PARD3B: variants seen among roughly 807,000 people sequenced by gnomAD.
PARD3B encodes the protein partitioning defective 3 homolog B.
PARD3B carries 103 observed loss-of-function variants against 130.2 expected under a neutral mutation model. That is an observed-to-expected ratio of 0.79 (90% CI 0.67 to 0.93). The LOEUF (loss-of-function observed/expected upper bound fraction) is 0.93, where lower values mean the gene tolerates loss of function less well. PARD3B is among the 40% of genes least tolerant of loss of function. The pLI, the probability that PARD3B is intolerant of heterozygous loss-of-function variation, is 0.00. For synonymous variants in PARD3B, 583 were observed against 553.2 expected, an observed-to-expected ratio of 1.05 and a Z score of -0.76; for missense variants, 1,609 against 1,499.2, an observed-to-expected ratio of 1.07 and a Z score of -1.21.
intron 10 of PARD3B, among the ~76,000 whole-genome samples, chr2:205,139,995 T>C (rs577742355): frequency 6.6e-6 from 1 of 152,234 alleles, no homozygotes; most frequent in Non-Finnish European, 1.5e-5. Flanking sequence ...TCTTACTTCC[T>C]TCACAAACCT....
At chr2:205,043,697 C>A (rs1698544943) in intron 3 of PARD3B, among the ~76,000 whole-genome samples, 2 of 152,118 alleles carry the variant, frequency 1.3e-5, no homozygotes, top group Non-Finnish European at 2.9e-5. Flanking sequence ...AATATGACTT[C>A]TACTCTACCA....
chr2:205,610,684 A>G (rs1158888128), intron 22 of PARD3B, among the ~76,000 whole-genome samples: 1 of 152,182 alleles, frequency 6.6e-6, no homozygotes, highest in Non-Finnish European at 1.5e-5. Context: ...TTGGCAAACA[A>G]GACAAATAAA....
chr2:205,079,793 T>C (rs1180469183), intron 4 of PARD3B, among the ~76,000 whole-genome samples: 2 of 152,206 alleles, frequency 1.3e-5, no homozygotes, highest in Non-Finnish European at 2.9e-5. Flanking sequence ...AATAAGATTA[T>C]GCTAACGTAA....
chr2:205,487,967 T>C (rs1234702714), intron 20 of PARD3B, among the ~76,000 whole-genome samples: 1 of 152,234 alleles, frequency 6.6e-6, no homozygotes, highest in Non-Finnish European at 1.5e-5. Context: ...AAACTGTCTT[T>C]TGTTCAGTTC....
intron 1 of PARD3B, among the ~76,000 whole-genome samples, chr2:204,646,451 C>G (rs556308066): frequency 6.6e-6 from 1 of 151,944 alleles, no homozygotes; most frequent in African/African-American, 2.4e-5. Flanking sequence ...CATGTCATTG[C>G]GTGAAGCTGT....
chr2:204,630,352 A>G (rs1468357943), intron 1 of PARD3B, among the ~76,000 whole-genome samples: 1 of 152,062 alleles, frequency 6.6e-6, no homozygotes, highest in African/African-American at 2.4e-5. Context: ...TGCTTAGGGA[A>G]CTTTGAAAAA....
intron 11 of PARD3B, 73 bp from the exon 12 acceptor site, chr2:205,172,138 T>G: frequency 6.9e-7 from 1 of 1,440,300 alleles, no homozygotes; most frequent in Non-Finnish European, 9.4e-7. Context: ...AAACTTGAAC[T>G]TTTCCCCAAA....
intron 3 of PARD3B, among the ~76,000 whole-genome samples, chr2:205,018,489 TTGA>T (rs1398664725): frequency 6.6e-6 from 1 of 152,092 alleles, no homozygotes; most frequent in East Asian, 1.9e-4. Context: ...AGCATTGGAC[TTGA>T]TGAAGTGTTT....
chr2:205,038,456 A>T (rs1698166679), intron 3 of PARD3B, among the ~76,000 whole-genome samples: 1 of 152,168 alleles, frequency 6.6e-6, no homozygotes, highest in South Asian at 2.1e-4. Flanking sequence ...CTTAAGTAGC[A>T]TGAGCAAATT....
At chr2:205,000,092 C>A (rs1312039464) in intron 3 of PARD3B, among the ~76,000 whole-genome samples, 2 of 151,758 alleles carry the variant, frequency 1.3e-5, no homozygotes, top group Non-Finnish European at 1.5e-5. Flanking sequence ...ACTGAACAGG[C>A]AGCTTTGTGG....
intron 18 of PARD3B, among the ~76,000 whole-genome samples, chr2:205,354,481 A>ATTAT (rs1263387592): frequency 1.1e-4 from 17 of 151,758 alleles, no homozygotes; most frequent in Non-Finnish European, 2.2e-4. Flanking sequence ...AAAAAAGTAA[A>ATTAT]AAATTAAAAA....
At position 205,158,889 on chromosome 2, in the gene PARD3B, T is replaced by C. The variant is rs1225794776; in HGVS notation, c.1602T>C (p.His534=). 2.5e-6 allele frequency: 4 copies of C among 1,613,898 alleles called. No individual in the cohort carries two copies. The Admixed American group carries it at 5.0e-5, about 20-fold the overall frequency. The change falls in exon 11 of 23, where the codon CAT becomes CAC. Residue 534 remains histidine, a synonymous_variant. Coordinates refer to ENST00000406610, the MANE Select transcript of PARD3B (RefSeq NM_001302769.2). The surrounding 1 kb of genome is among the most constrained non-coding windows in gnomAD (Gnocchi z 5.4). ...GGATTTTTATCAAATCCATCATTCA[T>C]GGAGGCGCTGCTTTTAAGGTGGGTA... is the stretch of plus-strand genomic sequence containing the variant. ...DLGIFIKSII[H]GGAAFKDGRL...
rs10708473 is a variant in PARD3B at position 205,257,329 on chromosome 2, G to GT, written c.2185+11517dup. Among the ~76,000 whole-genome samples, 51 of 147,592 alleles carry GT rather than the reference G, an allele frequency of 3.5e-4. No homozygotes were observed. The Middle Eastern group carries it at 0.014, about 40-fold the overall frequency. ...TGAAAACACTTTTATTAGCCAATCA[G>GT]TTTTTTTTTTAAACCAAGCAAACCA... is the stretch of plus-strand genomic sequence containing the variant. On this transcript the variant is annotated intron_variant, in intron 16 of 22. Coordinates refer to ENST00000406610, the MANE Select transcript of PARD3B (RefSeq NM_001302769.2).
intron 22 of PARD3B, among the ~76,000 whole-genome samples, chr2:205,561,631 A>G (rs2053141208): frequency 6.6e-6 from 1 of 152,208 alleles, no homozygotes; most frequent in Non-Finnish European, 1.5e-5. Context: ...CACTTCATTT[A>G]TTAATAGACA....
At position 204,686,401 on chromosome 2, in the gene PARD3B, G is replaced by A. The variant is rs532247593; in HGVS notation, c.222+119G>A. The A allele has an allele frequency of 2.5e-5, 19 of 749,518 alleles. No individual in the cohort carries two copies. In the East Asian group the frequency reaches 5.1e-4, roughly 20 times the overall value. The allele number at this position is 749,518 out of a possible 1,614,324, so 46.4% of individuals were successfully genotyped here. A position where few individuals can be genotyped will look rare whatever the true frequency, so the allele number is the denominator to read the frequency against. ...ATTATTAAAAGATACCATCTGTTCA[G>A]GTTTCACCTGGACAGCCCATAAATC... is the stretch of plus-strand genomic sequence containing the variant. On this transcript the variant is annotated intron_variant, in intron 2 of 22. Transcript: ENST00000406610.
At chr2:205,053,591 G>A (rs930830123) in intron 4 of PARD3B, among the ~76,000 whole-genome samples, 5 of 150,886 alleles carry the variant, frequency 3.3e-5, no homozygotes, top group Non-Finnish European at 5.9e-5. Context: ...AGTGAGCCAA[G>A]ATCGTGTCAC....
chr2:204,934,892 A>G (rs1427789847), intron 2 of PARD3B, among the ~76,000 whole-genome samples: 1 of 152,220 alleles, frequency 6.6e-6, no homozygotes, highest in African/African-American at 2.4e-5. Flanking sequence ...GCTAATATAT[A>G]TAACTCATTG....
In PARD3B at chr2:205,047,660, T is replaced by G. The variant is rs145980766; in HGVS notation, c.474T>G (p.Pro158=). 1.3e-6 allele frequency: 2 copies of G among 1,550,440 alleles called. No homozygotes were observed. The highest frequency in any genetic ancestry group is 2.7e-5 in the African/African-American group (2 of 73,028). ...ATACCCAGCCAAGCGCTTCACACCC[T>G]GGTGGCCAGAGTCTGAAACTGGTTG... is the stretch of plus-strand genomic sequence containing the variant. ...PADTQPSASH[P]GGQSLKLVVP... Residue 158 remains proline (P), a synonymous_variant, in exon 4 of 23, where the codon CCT becomes CCG. Transcript: ENST00000406610.
At chr2:204,956,221 G>A (rs964777406) in intron 2 of PARD3B, among the ~76,000 whole-genome samples, 1 of 152,214 alleles carries the variant, frequency 6.6e-6, no homozygotes, top group Non-Finnish European at 1.5e-5. Context: ...GCAGCATTAT[G>A]CTTTGGCTGA....
Sources: allele counts gnomAD v4.1 joint callset (sites outside exome capture counted in the v4.1 genomes callset), GRCh38; gene constraint gnomAD v4.1.1; non-coding constraint Gnocchi (gnomAD v3.1); transcripts MANE v1.5; gene names NCBI Gene and HGNC (gene_info 2026-07-23, HGNC 2026-07-21).